RIC8B: variants seen among roughly 807,000 people sequenced by gnomAD.
The protein encoded by RIC8B is chaperone Ric-8B.
In RIC8B, 16 loss-of-function variants were observed where a neutral mutation model predicts 57.5. The observed-to-expected ratio is 0.28, with a 90% CI of 0.19 to 0.42. The LOEUF (loss-of-function observed/expected upper bound fraction) is 0.42, where lower values mean the gene tolerates loss of function less well. Among genes scored for constraint, RIC8B ranks in the 10% least tolerant of loss-of-function variants. The pLI is 1.00. For missense variants in RIC8B, 481 were observed against 677.0 expected (o/e 0.71, Z 3.21); for synonymous variants, 216 against 250.8 (o/e 0.86, Z 1.31).
At chr12:106,792,383 G>A (rs1037820762) in intron 2 of RIC8B, among the ~76,000 whole-genome samples, 2 of 152,142 alleles carry the variant, frequency 1.3e-5, no homozygotes, top group African/African-American at 2.4e-5. Context: ...ATACATGATC[G>A]TTGGATCACT....
intron 2 of RIC8B, among the ~76,000 whole-genome samples, chr12:106,786,299 G>A (rs1026887757): frequency 1.3e-5 from 2 of 151,826 alleles, no homozygotes; most frequent in African/African-American, 4.8e-5. Flanking sequence ...ACAGGCGCCC[G>A]CAACCACGCC....
chr12:106,876,096 T>C (rs770843037), intron 9 of RIC8B, among the ~76,000 whole-genome samples: 1 of 152,236 alleles, frequency 6.6e-6, no homozygotes, highest in Non-Finnish European at 1.5e-5. Flanking sequence ...TAAGATCTAT[T>C]ATAGATATGA....
intron 4 of RIC8B, among the ~76,000 whole-genome samples, chr12:106,839,686 A>G (rs1456159800): frequency 2.6e-5 from 4 of 152,226 alleles, no homozygotes; most frequent in Non-Finnish European, 5.9e-5. Flanking sequence ...TCTTACGTTA[A>G]GTGCTCTTAC....
Position 106,842,710 on chromosome 12 carries a change from A to G in RIC8B, c.958A>G (p.Thr320Ala). ...TTLDELPSNK[T>A]AEKETVLKNN... ...TCTAGATGAACTGCCCAGTAATAAA[A>G]CAGCTGAGAAAGAAACAGTTTTGAA... Residue 320 changes from threonine (T) to alanine (A), a missense_variant, in exon 5 of 10, where the codon ACA (threonine) becomes GCA (alanine). Coordinates refer to ENST00000392837, the MANE Select transcript of RIC8B (RefSeq NM_001330145.2). The G allele has an allele frequency of 6.2e-7, 1 of 1,614,012 alleles. No individual in the cohort carries two copies. The highest frequency in any genetic ancestry group is 1.3e-5 in the African/African-American group (1 of 75,056).
chr12:106,813,920 TG>T (rs2045454185), intron 2 of RIC8B, among the ~76,000 whole-genome samples: 1 of 152,116 alleles, frequency 6.6e-6, no homozygotes, highest in Non-Finnish European at 1.5e-5. Context: ...AATTTGACAA[TG>T]GTATAAAAAA....
intron 4 of RIC8B, among the ~76,000 whole-genome samples, chr12:106,830,584 C>G (rs1288725030): frequency 6.6e-6 from 1 of 152,168 alleles, no homozygotes; most frequent in Non-Finnish European, 1.5e-5. Context: ...TTGTTGTAAT[C>G]ATAAAGCTCT....
intron 2 of RIC8B, among the ~76,000 whole-genome samples, chr12:106,793,286 G>A (rs184285268): frequency 6.6e-6 from 1 of 152,316 alleles, no homozygotes; most frequent in East Asian, 1.9e-4. Flanking sequence ...CCCAGCATCA[G>A]CACCAGGGCT....
chr12:106,816,497 C>A (rs1384900106), intron 3 of RIC8B, among the ~76,000 whole-genome samples: 1 of 152,104 alleles, frequency 6.6e-6, no homozygotes, highest in Non-Finnish European at 1.5e-5. Context: ...GCATTGAAAC[C>A]AAATATTTGG....
At chr12:106,850,797 G>T (rs1251418277) in intron 6 of RIC8B, among the ~76,000 whole-genome samples, 1 of 151,902 alleles carries the variant, frequency 6.6e-6, no homozygotes, top group Non-Finnish European at 1.5e-5. Flanking sequence ...TTAAATAAAG[G>T]TTGAGTGTCC....
intron 1 of RIC8B, among the ~76,000 whole-genome samples, chr12:106,778,249 C>T (rs1593054115): frequency 6.6e-6 from 1 of 152,290 alleles, no homozygotes; most frequent in Non-Finnish European, 1.5e-5. Context: ...AGATACCTGT[C>T]GGGCTCCGGG....
intron 4 of RIC8B, among the ~76,000 whole-genome samples, chr12:106,832,391 AACCACGTC>A (rs1311118190): frequency 1.3e-5 from 2 of 152,102 alleles, no homozygotes; most frequent in African/African-American, 4.8e-5. Flanking sequence ...AACATGGTGA[AACCACGTC>A]TCTACCAAAA....
intron 2 of RIC8B, among the ~76,000 whole-genome samples, chr12:106,785,147 T>A (rs1238104369): frequency 6.6e-6 from 1 of 152,260 alleles, no homozygotes; most frequent in Non-Finnish European, 1.5e-5. Flanking sequence ...CAGTGATCTG[T>A]CATATGCCTA....
intron 2 of RIC8B, among the ~76,000 whole-genome samples, chr12:106,784,426 A>T (rs1462090394): frequency 6.6e-6 from 1 of 152,222 alleles, no homozygotes; most frequent in Non-Finnish European, 1.5e-5. Flanking sequence ...CCCAGGTTGG[A>T]GTGCAGTGGC....
chr12:106,825,824 G>A lies in RIC8B; in HGVS notation c.836+4G>A, dbSNP rs756044926. ...ACAAAACAGAAGAGCTACACAGGTG[G>A]GTAAGCTCTGTATTGATATCCCAAT... On this transcript the variant is annotated splice_donor_region_variant and intron_variant, in intron 4 of 9. Coordinates refer to ENST00000392837, the MANE Select transcript of RIC8B (RefSeq NM_001330145.2). 10 of 1,594,262 alleles carry A rather than the reference G, an allele frequency of 6.3e-6. No individual in the cohort carries two copies. The Admixed American group carries it at 1.3e-4, about 21-fold the overall frequency.
At chr12:106,798,838 T>C (rs959735950) in intron 2 of RIC8B, among the ~76,000 whole-genome samples, 3 of 152,322 alleles carry the variant, frequency 2.0e-5, no homozygotes, top group Admixed American at 2.0e-4. Flanking sequence ...TTTCTTATAG[T>C]TCATTCCTTC....
chr12:106,886,053 G>A lies in RIC8B; in HGVS notation c.*38G>A. The A allele has an allele frequency of 6.5e-6, 9 of 1,383,450 alleles. No homozygotes were observed. The highest frequency in any genetic ancestry group is 9.3e-6 in the Non-Finnish European group (9 of 972,722). The allele number at this position is 1,383,450 out of a possible 1,614,324, so 85.7% of individuals were successfully genotyped here. A position where few individuals can be genotyped will look rare whatever the true frequency, so the allele number is the denominator to read the frequency against. ...CTCAACTCTCAATATTGCTTTATCA[G>A]CATCTTTTCTCTGTAGCTCCAGGGG... On this transcript the variant is annotated 3_prime_UTR_variant, in exon 10 of 10. Transcript: ENST00000392837.
At chr12:106,832,978 A>G (rs905004018) in intron 4 of RIC8B, among the ~76,000 whole-genome samples, 1 of 152,022 alleles carries the variant, frequency 6.6e-6, no homozygotes, top group Non-Finnish European at 1.5e-5. Flanking sequence ...AATATGTGAC[A>G]TGCTGAGATC....
rs996902199 is a variant in RIC8B, at chr12:106,795,631, T to C, written c.132+11587T>C. ...TGTCTTGTCTGCTCCTTAATGTACA[T>C]GTGGCTGACAAAGAGAAGGGAAGAT... is the stretch of plus-strand genomic sequence containing the variant. On this transcript the variant is annotated intron_variant, in intron 2 of 9. Transcript: ENST00000392837. 2.0e-5 allele frequency among the ~76,000 whole-genome samples: 3 copies of C among 152,092 alleles called. No individual in the cohort carries two copies. The East Asian group carries it at 5.8e-4, about 29-fold the overall frequency.
intron 3 of RIC8B, among the ~76,000 whole-genome samples, chr12:106,817,585 C>T (rs979095877): frequency 2.6e-5 from 4 of 151,836 alleles, no homozygotes; most frequent in African/African-American, 2.4e-5. Flanking sequence ...TTTGGGAGGC[C>T]GAGGCGGGGA....
Sources: gnomAD v4.1 joint callset for allele counts (sites outside exome capture counted in the v4.1 genomes callset) on GRCh38, gnomAD v4.1.1 for gene constraint, MANE v1.5 for transcripts, NCBI Gene and HGNC (gene_info 2026-07-23, HGNC 2026-07-21) for gene names.